The following AGBL4 variants were observed in gnomAD, a reference collection of about 807,000 sequenced individuals.
AGBL4 encodes cytosolic carboxypeptidase 6.
A neutral mutation model predicts 66.4 loss-of-function variants in AGBL4; 58 were observed. That is an observed-to-expected ratio of 0.87 (90% confidence interval 0.71 to 1.09). The LOEUF (loss-of-function observed/expected upper bound fraction) is 1.09. Ranked by LOEUF, AGBL4 falls within the 50% of genes least tolerant of loss-of-function variation. The probability of loss-of-function intolerance (pLI) is 0.00; values close to 1 mark genes in which losing one functional copy is unlikely to be tolerated. For missense variants in AGBL4, 579 were observed against 631.0 expected (o/e 0.92, Z 0.88); for synonymous variants, 234 against 222.9 (o/e 1.05, Z -0.44).
chr1:48,607,062 G>T (rs1166963946), intron 9 of AGBL4, among the ~76,000 whole-genome samples: 2 of 152,118 alleles, frequency 1.3e-5, no homozygotes, highest in African/African-American at 4.8e-5. Context: ...TGGGTTAAAT[G>T]AGCTAGTGCA....
chr1:49,771,122 G>A (rs1184433935), intron 2 of AGBL4, among the ~76,000 whole-genome samples: 1 of 151,698 alleles, frequency 6.6e-6, no homozygotes, highest in Non-Finnish European at 1.5e-5. Context: ...TCCCTTTCTT[G>A]TTGTACGTGC....
At chr1:49,204,066 A>T (rs943261299) in intron 4 of AGBL4, among the ~76,000 whole-genome samples, 2 of 152,120 alleles carry the variant, frequency 1.3e-5, no homozygotes, top group African/African-American at 4.8e-5. Context: ...AGAAAGTATT[A>T]ACAGGTAGGA....
chr1:49,502,977 CA>C (rs1648312597), intron 3 of AGBL4, among the ~76,000 whole-genome samples: 1 of 152,086 alleles, frequency 6.6e-6, no homozygotes, highest in South Asian at 2.1e-4. Context: ...AAATATTAAT[CA>C]GCAAGACAAT....
intron 9 of AGBL4, among the ~76,000 whole-genome samples, chr1:48,607,032 C>T (rs1217971970): frequency 6.6e-6 from 1 of 152,144 alleles, no homozygotes; most frequent in African/African-American, 2.4e-5. Flanking sequence ...AATGAGATCA[C>T]TCATGTCACC....
intron 3 of AGBL4, among the ~76,000 whole-genome samples, chr1:49,552,332 A>G (rs1653028966): frequency 6.6e-6 from 1 of 152,136 alleles, no homozygotes; most frequent in South Asian, 2.1e-4. Flanking sequence ...TTCTAGCCTC[A>G]TTCAAATTGT....
intron 1 of AGBL4, among the ~76,000 whole-genome samples, chr1:49,977,235 G>GGGCTTCACCTCCCTTCTTCCAGA (rs1658640182): frequency 6.8e-6 from 1 of 147,816 alleles, no homozygotes; most frequent in African/African-American, 2.5e-5. Context: ...CATCTTGCAT[G>GGGCTTCACCTCCCTTCTTCCAGA]GGCTTCACCT....
At chr1:49,288,588 G>A (rs1164076146) in intron 3 of AGBL4, among the ~76,000 whole-genome samples, 1 of 152,050 alleles carries the variant, frequency 6.6e-6, no homozygotes, top group Non-Finnish European at 1.5e-5. Context: ...TCATATACAT[G>A]GTGAAATGCT....
At chr1:49,362,093 A>G (rs536980927) in intron 3 of AGBL4, among the ~76,000 whole-genome samples, 1 of 152,238 alleles carries the variant, frequency 6.6e-6, no homozygotes, top group Admixed American at 6.5e-5. Flanking sequence ...TTCCCATTTG[A>G]CATCTCCTGC....
At chr1:49,814,150 GCTGA>G in intron 2 of AGBL4, among the ~76,000 whole-genome samples, 1 of 152,192 alleles carries the variant, frequency 6.6e-6, no homozygotes, top group East Asian at 1.9e-4. Context: ...CAGCATGAGA[GCTGA>G]CTAATACAGT....
intron 2 of AGBL4, among the ~76,000 whole-genome samples, chr1:49,776,221 T>C (rs1644194304): frequency 6.6e-6 from 1 of 152,128 alleles, no homozygotes; most frequent in African/African-American, 2.4e-5. Flanking sequence ...TGAAAGAGTT[T>C]AGAAAAATAA....
intron 11 of AGBL4, among the ~76,000 whole-genome samples, chr1:48,573,283 A>G (rs1390906547): frequency 2.0e-5 from 3 of 152,232 alleles, no homozygotes; most frequent in Non-Finnish European, 4.4e-5. Context: ...AGGTAGGTGC[A>G]GTAGGGAGAG....
intron 1 of AGBL4, among the ~76,000 whole-genome samples, chr1:49,916,915 G>C (rs1486499604): frequency 2.0e-5 from 3 of 152,188 alleles, no homozygotes; most frequent in Non-Finnish European, 4.4e-5. Flanking sequence ...CCAGAAGAGA[G>C]TGGGGGCCAA....
intron 6 of AGBL4, among the ~76,000 whole-genome samples, chr1:48,822,297 A>C (rs1646333532): frequency 6.6e-6 from 1 of 152,240 alleles, no homozygotes; most frequent in South Asian, 2.1e-4. Context: ...AGGTGAATGG[A>C]TAAACAAATT....
intron 6 of AGBL4, among the ~76,000 whole-genome samples, chr1:48,808,348 A>AACCT (rs1338454477): frequency 6.6e-6 from 1 of 152,192 alleles, no homozygotes; most frequent in Admixed American, 6.5e-5. Flanking sequence ...TAAACCTGCA[A>AACCT]GATAGATATT....
chr1:49,440,343 C>G (rs2148667383), intron 3 of AGBL4, among the ~76,000 whole-genome samples: 1 of 152,290 alleles, frequency 6.6e-6, no homozygotes, highest in East Asian at 1.9e-4. Context: ...GCTGGGATTA[C>G]AGGCGTGAGC....
At chr1:49,140,372 C>A (rs968590234) in intron 4 of AGBL4, among the ~76,000 whole-genome samples, 8 of 152,202 alleles carry the variant, frequency 5.3e-5, no homozygotes, top group Non-Finnish European at 1.2e-4. Context: ...AATTCAGAAG[C>A]CAGGCCCTTC....
intron 3 of AGBL4, among the ~76,000 whole-genome samples, chr1:49,439,317 C>T (rs540417648): frequency 1.3e-5 from 2 of 152,282 alleles, no homozygotes; most frequent in East Asian, 3.9e-4. Flanking sequence ...GAAGTAGCAC[C>T]ACTCCTTAGT....
chr1:49,939,201 G>C (rs550626658), intron 1 of AGBL4, among the ~76,000 whole-genome samples: 3 of 151,754 alleles, frequency 2.0e-5, no homozygotes, highest in Admixed American at 2.0e-4. Flanking sequence ...TGAAATAAAA[G>C]AGGATACAAA....
chr1:49,853,085 A>G (rs1646345437), intron 1 of AGBL4, among the ~76,000 whole-genome samples: 1 of 152,180 alleles, frequency 6.6e-6, no homozygotes, highest in Admixed American at 6.5e-5. Flanking sequence ...GGTATTCAAT[A>G]AAAAATTGTG....
Sources: gnomAD v4.1 joint callset for allele counts (sites outside exome capture counted in the v4.1 genomes callset) on GRCh38, gnomAD v4.1.1 for gene constraint, MANE v1.5 for transcripts, NCBI Gene and HGNC (gene_info 2026-07-23, HGNC 2026-07-21) for gene names.